Variants in CFAP70 observed in about 807,000 individuals in gnomAD.
CFAP70 encodes the protein cilia and flagella associated protein 70, also known as cilia- and flagella-associated protein 70.
A neutral mutation model predicts 137.6 loss-of-function variants in CFAP70; 81 were observed. That is an observed-to-expected ratio of 0.59 (90% CI 0.49 to 0.71). The LOEUF (loss-of-function observed/expected upper bound fraction) is 0.71, where lower values mean the gene tolerates loss of function less well. Ranked by LOEUF, CFAP70 falls within the 30% of genes least tolerant of loss-of-function variation. The pLI is 0.00. For missense variants in CFAP70, 976 were observed against 1,226.7 expected (o/e 0.80, Z 3.05); for synonymous variants, 382 against 423.6 (o/e 0.90, Z 1.20).
intron 3 of CFAP70, among the ~76,000 whole-genome samples, chr10:73,350,610 AAT>A (rs1303674365): frequency 4.6e-5 from 7 of 152,014 alleles, no homozygotes; most frequent in Admixed American, 4.6e-4. Context: ...GTTGCTAATG[AAT>A]ATATATATAT....
chr10:73,281,806 G>A (rs1302564547), intron 19 of CFAP70, among the ~76,000 whole-genome samples: 2 of 152,118 alleles, frequency 1.3e-5, no homozygotes, highest in Admixed American at 6.5e-5. Context: ...GGAGTACTGC[G>A]CAGCACAAAA....
At position 73,297,177 on chromosome 10, in the gene CFAP70, C is replaced by T. The variant is rs766185813; in HGVS notation, c.1513-4G>A. ...TCACAATCTTTACCACAGCATGCTG[C>T]AAGACACACAGATCACCCATCTGAT... is the stretch of plus-strand genomic sequence containing the variant. On this transcript the variant is annotated splice_region_variant and splice_polypyrimidine_tract_variant and intron_variant, in intron 14 of 26. Transcript: ENST00000310715. The T allele has an allele frequency of 2.5e-5, 41 of 1,610,322 alleles. No homozygotes were observed. The highest frequency in any genetic ancestry group is 3.4e-5 in the Non-Finnish European group (40 of 1,178,256).
Position 73,331,181 on chromosome 10 carries a change from TCA to T in CFAP70, c.771_772del (p.Glu258LysfsTer3). On this transcript the variant is annotated frameshift_variant, in exon 8 of 27. Transcript: ENST00000310715. LOFTEE classifies it high-confidence loss of function. ...TTTTTGAGGGGGCATATTTACCTTT[TCA>T]GTTTTGCCAGCTTTCCCTTTGGGTA... is the stretch of plus-strand genomic sequence containing the variant. The T allele has an allele frequency of 6.2e-7, 1 of 1,609,046 alleles. No individual in the cohort carries two copies.
rs2048250762 is a variant in CFAP70 at position 73,292,498 on chromosome 10, TTAAGA to T, written c.1771-489_1771-485del. Reference sequence around the variant, plus strand: ...TCATGGATTGGATGACTTAATATTGTTAAGATGTCAATACTATCCAAAGCAAGCTA... The same window carrying T: ...TCATGGATTGGATGACTTAATATTGTTGTCAATACTATCCAAAGCAAGCTA... On this transcript the variant is annotated intron_variant, in intron 16 of 26. Transcript: ENST00000310715. 2.0e-5 allele frequency among the ~76,000 whole-genome samples: 3 copies of T among 152,314 alleles called. No homozygotes were observed. The South Asian group carries it at 6.2e-4, about 32-fold the overall frequency.
At chr10:73,256,166 A>G (rs889758208) in intron 26 of CFAP70, among the ~76,000 whole-genome samples, 4 of 152,182 alleles carry the variant, frequency 2.6e-5, no homozygotes, top group Non-Finnish European at 5.9e-5. Flanking sequence ...TATTCTCTCT[A>G]AAGAGCTGGA....
intron 6 of CFAP70, among the ~76,000 whole-genome samples, chr10:73,340,624 A>G (rs900106879): frequency 6.6e-6 from 1 of 152,204 alleles, no homozygotes; most frequent in Non-Finnish European, 1.5e-5. Flanking sequence ...GCCCATGCCA[A>G]GCTGCCCTCA....
intron 12 of CFAP70, among the ~76,000 whole-genome samples, chr10:73,303,980 G>A (rs1473360403): frequency 6.6e-6 from 1 of 152,066 alleles, no homozygotes; most frequent in African/African-American, 2.4e-5. Flanking sequence ...TCTATTTAAT[G>A]CGGCCTTCCT....
chr10:73,301,890 C>T (rs1441508441), intron 12 of CFAP70, among the ~76,000 whole-genome samples: 2 of 152,044 alleles, frequency 1.3e-5, no homozygotes, highest in Non-Finnish European at 2.9e-5. Context: ...GGGATCAGAA[C>T]TGGATACTTT....
chr10:73,360,911 GGATA>G (rs370711238), upstream of CFAP70, among the ~76,000 whole-genome samples: 397 of 152,204 alleles, frequency 2.6e-3, no homozygotes, highest in African/African-American at 8.5e-3. Context: ...AGGCAAGCAA[GGATA>G]AATAACAGAT....
At chr10:73,307,539 T>C (rs541555636) in intron 12 of CFAP70, among the ~76,000 whole-genome samples, 33 of 151,970 alleles carry the variant, frequency 2.2e-4, no homozygotes, top group Non-Finnish European at 4.6e-4. Flanking sequence ...TCCATACAAA[T>C]AGTAAAAAAG....
At chr10:73,295,403 G>A in intron 15 of CFAP70, 1 of 150,262 alleles carries the variant, frequency 6.7e-6, no homozygotes, top group Non-Finnish European at 1.5e-5. Flanking sequence ...GAGGGAGGGA[G>A]GGAGGGAAGA....
chr10:73,275,020 C>G lies in CFAP70; in HGVS notation c.2673+426G>C, dbSNP rs376745659. 16 of 163,214 alleles carry G rather than the reference C, an allele frequency of 9.8e-5. No homozygotes were observed. In the East Asian group the frequency reaches 1.6e-3, roughly 17 times the overall value. 10.1% of individuals were successfully genotyped at this position (163,214 alleles called of 1,614,324 possible). On this transcript the variant is annotated intron_variant, in intron 22 of 26. Transcript: ENST00000310715. This position sits in a 1 kb window ranked among gnomAD's most constrained non-coding sequence, Gnocchi z 4.0. ...TGAGATGGAGTCTTGCACTGTCGCC[C>G]AGGCTGGAGAGTGCAATGGCTCAAT...
At chr10:73,336,653 G>A (rs1443981036) in intron 6 of CFAP70, among the ~76,000 whole-genome samples, 5 of 145,308 alleles carry the variant, frequency 3.4e-5, no homozygotes, top group Non-Finnish European at 7.4e-5. Flanking sequence ...GCGCGATCTC[G>A]GCTCACTGCA....
chr10:73,304,187 G>A (rs2132028168), intron 12 of CFAP70, among the ~76,000 whole-genome samples: 1 of 152,088 alleles, frequency 6.6e-6, no homozygotes, highest in East Asian at 1.9e-4. Context: ...CCAAGTAGCT[G>A]GGACTACAGG....
upstream of CFAP70, among the ~76,000 whole-genome samples, chr10:73,361,617 CTATAAAAA>C (rs1397190616): frequency 2.6e-5 from 4 of 152,166 alleles, no homozygotes; most frequent in East Asian, 7.7e-4. Flanking sequence ...GGGAAAAAAA[CTATAAAAA>C]TATCTTTCTA....
chr10:73,341,297 C>T (rs959253842), intron 6 of CFAP70, 102 bp downstream of exon 7: 12 of 1,034,000 alleles, frequency 1.2e-5, no homozygotes, highest in African/African-American at 9.6e-5. Flanking sequence ...GTAAGTATTT[C>T]GACAGGTGAC....
At position 73,307,453 on chromosome 10, in the gene CFAP70, T is replaced by C. The variant is rs538934962; in HGVS notation, c.1256+2705A>G. On this transcript the variant is annotated intron_variant, in intron 12 of 26. Transcript: ENST00000310715. Reference sequence around the variant, plus strand: ...ATTAGAAAAACTCACACAGAATCCATCTATCTGCTGTCTACAAGATACTCC... The same window carrying C: ...ATTAGAAAAACTCACACAGAATCCACCTATCTGCTGTCTACAAGATACTCC... Among the ~76,000 whole-genome samples, 24 of 152,284 alleles carry C rather than the reference T, an allele frequency of 1.6e-4. No homozygotes were observed. The South Asian group carries it at 5.0e-3, about 32-fold the overall frequency.
intron 8 of CFAP70, 119 bp from the exon 10 acceptor site, chr10:73,323,216 T>A: frequency 1.1e-6 from 1 of 940,958 alleles, no homozygotes; most frequent in Non-Finnish European, 1.5e-6. Flanking sequence ...CTTAGCCAGT[T>A]ATGTGACTTT....
chr10:73,340,303 G>A (rs1190566193), intron 6 of CFAP70, among the ~76,000 whole-genome samples: 2 of 152,234 alleles, frequency 1.3e-5, no homozygotes, highest in African/African-American at 2.4e-5. Context: ...GACCCACAGT[G>A]GGTAGCTTCT....
Sources: gnomAD v4.1 joint callset for allele counts (sites outside exome capture counted in the v4.1 genomes callset) on GRCh38, gnomAD v4.1.1 for gene constraint, Gnocchi (gnomAD v3.1) non-coding constraint, MANE v1.5 for transcripts, NCBI Gene and HGNC (gene_info 2026-07-23, HGNC 2026-07-21) for gene names.